Variants in PTPRZ1 observed in about 807,000 individuals in gnomAD.
PTPRZ1 encodes the protein protein tyrosine phosphatase receptor type Z1.
PTPRZ1 carries 82 observed loss-of-function variants against 214.1 expected under a neutral mutation model. The ratio of observed to expected loss-of-function variants is 0.38; its 90% confidence interval spans 0.32 to 0.46. The LOEUF (loss-of-function observed/expected upper bound fraction) is 0.46. Ranked by LOEUF, PTPRZ1 falls within the 20% of genes least tolerant of loss-of-function variation. The pLI, the probability that PTPRZ1 is intolerant of heterozygous loss-of-function variation, is 1.00. For synonymous variants in PTPRZ1, 945 were observed against 987.9 expected (o/e 0.96, Z 0.81); for missense variants, 2,603 against 2,748.7 (o/e 0.95, Z 1.19).
chr7:122,014,738 A>G lies in PTPRZ1; in HGVS notation c.4843+849A>G, dbSNP rs556057830. Among the ~76,000 whole-genome samples, 6 of 152,318 alleles carry G rather than the reference A, an allele frequency of 3.9e-5. No homozygotes were observed. The East Asian group carries it at 1.2e-3, about 29-fold the overall frequency. On this transcript the variant is annotated intron_variant, in intron 12 of 29. Coordinates refer to ENST00000393386, the MANE Select transcript of PTPRZ1 (RefSeq NM_002851.3). ...CAGGCGTGAGCCACTGCACCAGGCC[A>G]GGGAGGTATTTATGTATTTATTTAT...
intron 21 of PTPRZ1, among the ~76,000 whole-genome samples, 165 bp downstream of exon 21, chr7:122,041,144 C>A (rs1206619609): frequency 6.6e-6 from 1 of 152,084 alleles, no homozygotes; most frequent in Non-Finnish European, 1.5e-5. Flanking sequence ...AATGAACATG[C>A]CAGACTCAGA....
At chr7:121,967,519 A>G (rs1797080748) in intron 2 of PTPRZ1, among the ~76,000 whole-genome samples, 1 of 152,174 alleles carries the variant, frequency 6.6e-6, no homozygotes, top group African/African-American at 2.4e-5. Context: ...AGGACTAACT[A>G]CCTTACAGGA....
intron 1 of PTPRZ1, among the ~76,000 whole-genome samples, chr7:121,926,843 T>C (rs1563021383): frequency 3.3e-5 from 5 of 152,342 alleles, no homozygotes; most frequent in Admixed American, 2.6e-4. Context: ...TAGATTTATG[T>C]TGAAATGTCT....
intron 1 of PTPRZ1, among the ~76,000 whole-genome samples, chr7:121,920,367 CATT>C (rs1178244132): frequency 6.6e-6 from 1 of 152,002 alleles, no homozygotes; most frequent in African/African-American, 2.4e-5. Flanking sequence ...TATAATAACA[CATT>C]ATTTTTGTCA....
At chr7:122,054,440 G>A (rs1159685305) in intron 26 of PTPRZ1, among the ~76,000 whole-genome samples, 3 of 152,076 alleles carry the variant, frequency 2.0e-5, no homozygotes, top group Non-Finnish European at 4.4e-5. Flanking sequence ...TTAGAATTAA[G>A]TGATTTCCTA....
chr7:121,887,188 G>A (rs1408838323), intron 1 of PTPRZ1, among the ~76,000 whole-genome samples: 1 of 152,100 alleles, frequency 6.6e-6, no homozygotes, highest in African/African-American at 2.4e-5. Flanking sequence ...TCTCCTCATG[G>A]GATATAGCCA....
chr7:122,051,053 G>A (rs765544141), intron 23 of PTPRZ1, among the ~76,000 whole-genome samples: 2 of 151,994 alleles, frequency 1.3e-5, no homozygotes, highest in Non-Finnish European at 2.9e-5. Context: ...AAATAAAATT[G>A]AATTATATAC....
At chr7:121,946,633 A>C (rs1229360080) in intron 2 of PTPRZ1, among the ~76,000 whole-genome samples, 1 of 152,190 alleles carries the variant, frequency 6.6e-6, no homozygotes, top group African/African-American at 2.4e-5. Flanking sequence ...GAAGAATGAG[A>C]TATTGCTATA....
intron 14 of PTPRZ1, among the ~76,000 whole-genome samples, chr7:122,029,352 C>T (rs1799303755): frequency 6.6e-6 from 1 of 151,974 alleles, no homozygotes; most frequent in African/African-American, 2.4e-5. Flanking sequence ...ATCATAACCA[C>T]TCATTTTTAA....
In PTPRZ1 at chr7:121,984,117, GGTAT is replaced by G. The variant is rs1797699640; in HGVS notation, c.928+5_928+8del. On this transcript the variant is annotated splice_donor_variant and splice_donor_region_variant and intron_variant, in intron 8 of 29. Coordinates refer to ENST00000393386, the MANE Select transcript of PTPRZ1 (RefSeq NM_002851.3). LOFTEE classifies it high-confidence loss of function. ...TGGAAAGGAAGAGATTCATGAAGCA[GGTAT>G]GTATTTAAATATAATCTTCTACAAC... 1 of 1,609,760 alleles carries G rather than the reference GGTAT, an allele frequency of 6.2e-7. No homozygotes were observed. The highest frequency in any genetic ancestry group is 1.3e-5 in the African/African-American group (1 of 74,664).
At chr7:122,054,243 A>T (rs936973642) in intron 26 of PTPRZ1, among the ~76,000 whole-genome samples, 1 of 152,182 alleles carries the variant, frequency 6.6e-6, no homozygotes, top group African/African-American at 2.4e-5. Flanking sequence ...TTTTAAATGA[A>T]AGTAGATATA....
intron 12 of PTPRZ1, among the ~76,000 whole-genome samples, chr7:122,017,081 C>T (rs1465573285): frequency 2.0e-5 from 3 of 152,096 alleles, no homozygotes; most frequent in Admixed American, 1.3e-4. Context: ...TATTAACCAC[C>T]ATTTGTACTA....
intron 12 of PTPRZ1, among the ~76,000 whole-genome samples, chr7:122,017,734 G>T (rs1638950): frequency 0.45 from 67,624 of 150,962 alleles, 15,407 homozygotes; most frequent in South Asian, 0.54. Context: ...GCTAATTTTT[G>T]TATTTTTTAT....
At position 122,013,684 on chromosome 7, in the gene PTPRZ1, T is replaced by C. The variant is rs766228362; in HGVS notation, c.4638T>C (p.Asp1546=). ...ESKAWAVLTS[D]EESGSGQGTS... ...AAGCATGGGCAGTTCTGACAAGTGA[T>C]GAAGAAAGTGGATCAGGGCAAGGTA... Residue 1546 remains aspartate, a synonymous_variant, in exon 12 of 30, where the codon GAT becomes GAC. Transcript: ENST00000393386. 2 of 1,614,184 alleles carry C rather than the reference T, an allele frequency of 1.2e-6. No homozygotes were observed. The highest frequency in any genetic ancestry group is 1.1e-5 in the South Asian group (1 of 91,076).
intron 27 of PTPRZ1, 81 bp downstream of exon 27, chr7:122,055,168 A>G: frequency 8.7e-7 from 1 of 1,150,018 alleles, no homozygotes; most frequent in South Asian, 2.4e-5. Context: ...TGTCCTAGAA[A>G]TGAAAAGCAT....
intron 2 of PTPRZ1, among the ~76,000 whole-genome samples, chr7:121,938,752 G>A (rs1312997421): frequency 6.6e-6 from 1 of 152,006 alleles, no homozygotes; most frequent in Non-Finnish European, 1.5e-5. Context: ...ACGGGGTGGG[G>A]GTGGAGAGAA....
chr7:121,976,065 T>C (rs1051444262), intron 4 of PTPRZ1, 108 bp from the exon 5 acceptor site: 6 of 653,510 alleles, frequency 9.2e-6, no homozygotes, highest in Admixed American at 2.5e-5. Flanking sequence ...TGTAGTTGTA[T>C]ACATGTAATT....
At chr7:121,939,034 A>T (rs530035924) in intron 2 of PTPRZ1, among the ~76,000 whole-genome samples, 53 of 152,356 alleles carry the variant, frequency 3.5e-4, no homozygotes, top group African/African-American at 1.2e-3. Flanking sequence ...GCAGAGACTC[A>T]CACATAGTAG....
At chr7:122,001,737 GT>G (rs892679182) in intron 10 of PTPRZ1, among the ~76,000 whole-genome samples, 25 of 151,834 alleles carry the variant, frequency 1.6e-4, no homozygotes, top group East Asian at 1.2e-3. Flanking sequence ...TTCCTAATGT[GT>G]TTTTTTTAAT....
Sources: gnomAD v4.1 joint callset for allele counts (sites outside exome capture counted in the v4.1 genomes callset) on GRCh38, gnomAD v4.1.1 for gene constraint, MANE v1.5 for transcripts, NCBI Gene and HGNC (gene_info 2026-07-23, HGNC 2026-07-21) for gene names.